ENAH: variants seen among roughly 807,000 people sequenced by gnomAD.
ENAH encodes ENAH actin regulator.
Under a neutral mutation model 78.7 loss-of-function variants are expected in ENAH, and 23 were observed. The observed-to-expected ratio is 0.29, with a 90% CI of 0.21 to 0.41. The LOEUF (loss-of-function observed/expected upper bound fraction) is 0.41. Among genes scored for constraint, ENAH ranks in the 10% least tolerant of loss-of-function variants. The probability of loss-of-function intolerance (pLI) is 1.00; values close to 1 mark genes in which losing one functional copy is unlikely to be tolerated. For synonymous variants in ENAH, 226 were observed against 241.0 expected (o/e 0.94, Z 0.58); for missense variants, 544 against 691.0 (o/e 0.79, Z 2.39).
rs1448518019 is a variant in ENAH at position 225,496,150 on chromosome 1, G to A, written c.*1625C>T. 6.6e-6 allele frequency: 1 copy of A among 152,626 alleles called. No individual in the cohort carries two copies. Among genetic ancestry groups the A allele is most frequent in the African/African-American group, 2.4e-5 (1 of 41,438 alleles). The allele number at this position is 152,626 out of a possible 1,614,324, so 9.5% of individuals were successfully genotyped here. On this transcript the variant is annotated 3_prime_UTR_variant, in exon 14 of 14. Transcript: ENST00000366843. ...CAACTCAAGCATAAATCAAGATGGA[G>A]AGCCTGGAGAGTTTCTTAAATTTTC...
At chr1:225,505,705 A>G (rs2096322891) in intron 11 of ENAH, among the ~76,000 whole-genome samples, 1 of 152,230 alleles carries the variant, frequency 6.6e-6, no homozygotes, top group South Asian at 2.1e-4. Context: ...TCTTTTAAAC[A>G]TATTTTAAAA....
At chr1:225,593,399 G>GTGTGT (rs2096886716) in intron 1 of ENAH, among the ~76,000 whole-genome samples, 1 of 74,458 alleles carries the variant, frequency 1.3e-5, no homozygotes, top group South Asian at 5.9e-4. Flanking sequence ...CTGTGTGTGT[G>GTGTGT]TGGGGGGGGG....
rs547100425 is a variant in ENAH, at chr1:225,599,693, G to A, written c.6-32279C>T. ...CGCCTGTAATCCCAGCTACTCGGAA[G>A]ACTGAGGCAGGAGAATCACTTGAAC... On this transcript the variant is annotated intron_variant, in intron 1 of 13. Coordinates refer to ENST00000366843, the MANE Select transcript of ENAH (RefSeq NM_018212.6). 2.4e-3 allele frequency among the ~76,000 whole-genome samples: 359 copies of A among 150,810 alleles called. 1 individual carries two copies. The highest frequency in any genetic ancestry group is 4.1e-3 in the Non-Finnish European group (276 of 67,894).
intron 1 of ENAH, among the ~76,000 whole-genome samples, chr1:225,646,243 C>A (rs1285313767): frequency 1.3e-5 from 2 of 151,894 alleles, no homozygotes. Flanking sequence ...AATACCCTAA[C>A]CCTCAATGTG....
chr1:225,642,264 A>G (rs928644215), intron 1 of ENAH, among the ~76,000 whole-genome samples: 2 of 151,936 alleles, frequency 1.3e-5, no homozygotes, highest in African/African-American at 4.8e-5. Flanking sequence ...ATGACCACCA[A>G]TGAATCGCAC....
chr1:225,562,068 G>A (rs182803517), intron 2 of ENAH, among the ~76,000 whole-genome samples: 115 of 152,054 alleles, frequency 7.6e-4, no homozygotes, highest in South Asian at 2.1e-3. Context: ...GATTACAGGC[G>A]CGCGCCACTA....
At chr1:225,579,761 T>C (rs557795619) in intron 1 of ENAH, among the ~76,000 whole-genome samples, 2 of 152,354 alleles carry the variant, frequency 1.3e-5, no homozygotes, top group South Asian at 4.1e-4. Flanking sequence ...AATATGTCTT[T>C]ACATCTTTCA....
chr1:225,592,401 A>G (rs1184393518), intron 1 of ENAH, among the ~76,000 whole-genome samples: 1 of 152,204 alleles, frequency 6.6e-6, no homozygotes, highest in Non-Finnish European at 1.5e-5. Context: ...GTGCATCCCA[A>G]TGAGGCTCTC....
At chr1:225,573,637 AGGAG>A (rs2096774157) in intron 1 of ENAH, among the ~76,000 whole-genome samples, 1 of 152,228 alleles carries the variant, frequency 6.6e-6, no homozygotes, top group Non-Finnish European at 1.5e-5. Context: ...CGAGAAAAAA[AGGAG>A]GGAGAGGAAA....
At chr1:225,591,705 C>T (rs188060549) in intron 1 of ENAH, among the ~76,000 whole-genome samples, 2 of 133,398 alleles carry the variant, frequency 1.5e-5, no homozygotes, top group Admixed American at 9.2e-5. Flanking sequence ...GCGGAGGCTG[C>T]AGTGAGCCGA....
chr1:225,565,597 A>T (rs974198940), intron 2 of ENAH, among the ~76,000 whole-genome samples: 1 of 152,224 alleles, frequency 6.6e-6, no homozygotes, highest in Non-Finnish European at 1.5e-5. Context: ...TGTTGTATTA[A>T]GAAGGTTCAA....
At chr1:225,559,178 C>T (rs1031378176) in intron 2 of ENAH, among the ~76,000 whole-genome samples, 8 of 152,112 alleles carry the variant, frequency 5.3e-5, no homozygotes, top group Admixed American at 1.3e-4. Flanking sequence ...CTTATTTCAT[C>T]GTGATTTCTT....
At chr1:225,518,295 A>C (rs1392139776) in intron 5 of ENAH, among the ~76,000 whole-genome samples, 1 of 152,224 alleles carries the variant, frequency 6.6e-6, no homozygotes, top group East Asian at 1.9e-4. Context: ...ATTTTTATTT[A>C]GTCTACAAGA....
intron 3 of ENAH, 115 bp downstream of exon 3, chr1:225,554,791 A>T (rs2096658585): frequency 1.1e-6 from 1 of 880,764 alleles, no homozygotes; most frequent in Non-Finnish European, 1.6e-6. Context: ...AAAAGTTAAC[A>T]AACATTTGTT....
chr1:225,565,858 G>A (rs1315227301), intron 2 of ENAH, among the ~76,000 whole-genome samples: 1 of 152,160 alleles, frequency 6.6e-6, no homozygotes, highest in East Asian at 1.9e-4. Flanking sequence ...AGACTAAGGA[G>A]GGAAAAGAAG....
At chr1:225,567,522 G>C in intron 1 of ENAH, 108 bp from the exon 2 acceptor site, 1 of 1,120,956 alleles carries the variant, frequency 8.9e-7, no homozygotes, top group Non-Finnish European at 1.2e-6. Context: ...TGCTGTTATT[G>C]GGTGCTGGAA....
intron 11 of ENAH, among the ~76,000 whole-genome samples, chr1:225,507,576 T>C (rs918946610): frequency 6.6e-6 from 1 of 152,100 alleles, no homozygotes; most frequent in Non-Finnish European, 1.5e-5. Flanking sequence ...TGTGGATAGG[T>C]AGATATTTAA....
chr1:225,559,448 C>A (rs1425943504), intron 2 of ENAH, among the ~76,000 whole-genome samples: 4 of 152,162 alleles, frequency 2.6e-5, no homozygotes, highest in African/African-American at 9.7e-5. Flanking sequence ...TACATTCTTA[C>A]AGACCTTTTT....
chr1:225,590,296 G>C (rs2096869356), intron 1 of ENAH, among the ~76,000 whole-genome samples: 1 of 151,988 alleles, frequency 6.6e-6, no homozygotes, highest in African/African-American at 2.4e-5. Context: ...CCAACATGGT[G>C]AGACGCTGTC....
Sources: allele counts gnomAD v4.1 joint callset (sites outside exome capture counted in the v4.1 genomes callset), GRCh38; gene constraint gnomAD v4.1.1; transcripts MANE v1.5; gene names NCBI Gene and HGNC (gene_info 2026-07-23, HGNC 2026-07-21).